The following ATRX variants were observed in gnomAD, a reference collection of about 807,000 sequenced individuals.
ATRX encodes the protein ATRX chromatin remodeler.
ATRX carries 12 observed loss-of-function variants against 172.6 expected under a neutral mutation model. That is an observed-to-expected ratio of 0.07 (90% CI 0.04 to 0.11). ATRX has a LOEUF of 0.11. Among genes scored for constraint, ATRX ranks in the 10% least tolerant of loss-of-function variants. ATRX has a pLI of 1.00. For missense variants in ATRX, 1,368 were observed against 1,767.4 expected, an observed-to-expected ratio of 0.77 and a Z score of 4.05; for synonymous variants, 674 against 594.7, an observed-to-expected ratio of 1.13 and a Z score of -1.94.
At chrX:77,746,014 G>A (rs1388107998) in intron 1 of ATRX, among the ~76,000 whole-genome samples, 1 of 111,639 alleles carries the variant, frequency 9.0e-6, no homozygotes, top group African/African-American at 3.3e-5. Flanking sequence ...ACAAGTTGGT[G>A]AGGTTGCAGA....
chrX:77,574,684 G>C (rs1395125441), intron 27 of ATRX, among the ~76,000 whole-genome samples: 2 of 111,424 alleles, frequency 1.8e-5, no homozygotes, highest in Non-Finnish European at 1.9e-5. Flanking sequence ...CGCTCATGAG[G>C]CATGTTTTAA....
At chrX:77,634,232 T>TAAAAAAAAAAAA in intron 17 of ATRX, among the ~76,000 whole-genome samples, 1 of 54,066 alleles carries the variant, frequency 1.8e-5, no homozygotes, top group Non-Finnish European at 3.2e-5. Context: ...TTAAAAGTTG[T>TAAAAAAAAAAAA]AAAAAAAAAA....
chrX:77,525,143 T>C (rs1344598347), intron 30 of ATRX, among the ~76,000 whole-genome samples: 5 of 112,425 alleles, frequency 4.4e-5, no homozygotes, highest in African/African-American at 1.6e-4. Context: ...ACATGGATGC[T>C]AACAGGCTTA....
chrX:77,674,528 T>C (rs1165746995), intron 10 of ATRX: 3 of 111,250 alleles, frequency 2.7e-5, no homozygotes, highest in Non-Finnish European at 5.7e-5. Context: ...TACAGAGAGA[T>C]ACGATCAGGT....
chrX:77,622,955 C>T lies in ATRX; in HGVS notation c.5135-2423G>A, dbSNP rs190960081. On this transcript the variant is annotated intron_variant, in intron 19 of 34. Transcript: ENST00000373344. Reference sequence around the variant, plus strand: ...GCCCTGAACGCCTACATCAAAAAGTCCGAAAGAGCACAAACAGACAATCTA... The same window carrying T: ...GCCCTGAACGCCTACATCAAAAAGTTCGAAAGAGCACAAACAGACAATCTA... Among the ~76,000 whole-genome samples, 14 of 110,033 alleles carry T rather than the reference C, an allele frequency of 1.3e-4. No homozygotes were observed. In the East Asian group the frequency reaches 4.0e-3, roughly 32 times the overall value.
At chrX:77,665,307 C>T (rs977592817) in intron 10 of ATRX, among the ~76,000 whole-genome samples, 7 of 112,350 alleles carry the variant, frequency 6.2e-5, no homozygotes, top group Admixed American at 9.5e-5. Flanking sequence ...TTTCAATGTA[C>T]TACATAAATG....
intron 30 of ATRX, among the ~76,000 whole-genome samples, chrX:77,537,484 T>C: frequency 9.0e-6 from 1 of 111,057 alleles, no homozygotes; most frequent in Non-Finnish European, 1.9e-5. Flanking sequence ...CTTTCTATTA[T>C]TTCTAACACC....
intron 20 of ATRX, 28 bp from the exon 21 acceptor site, chrX:77,619,009 A>G (rs2067472823): frequency 9.5e-7 from 1 of 1,051,726 alleles, no homozygotes; most frequent in Middle Eastern, 2.7e-4. Flanking sequence ...ATTCATTAAC[A>G]ACATTAACAA....
intron 10 of ATRX, 79 bp from the exon 11 acceptor site, chrX:77,664,857 C>A (rs1419782436): frequency 3.2e-6 from 3 of 925,294 alleles, no homozygotes; most frequent in Non-Finnish European, 4.4e-6. Context: ...AAACAGACTT[C>A]TTTGAATCAA....
At chrX:77,656,453 T>C (rs2069557942) in intron 13 of ATRX, 107 bp downstream of exon 13, 2 of 574,286 alleles carry the variant, frequency 3.5e-6, no homozygotes, top group South Asian at 5.1e-5. Flanking sequence ...CAAAATATTA[T>C]ATATCACACT....
intron 1 of ATRX, among the ~76,000 whole-genome samples, chrX:77,772,467 C>CAA (rs782408268): frequency 3.0e-4 from 12 of 39,763 alleles, no homozygotes; most frequent in Admixed American, 9.0e-4. Context: ...TCCCTTCTCT[C>CAA]AAAAAAAAAA....
chrX:77,733,453 A>G (rs2074385860), intron 1 of ATRX, among the ~76,000 whole-genome samples: 1 of 111,251 alleles, frequency 9.0e-6, no homozygotes, highest in Non-Finnish European at 1.9e-5. Context: ...ATAAAAGCAG[A>G]CACATAAACC....
chrX:77,749,792 C>A (rs782012668), intron 1 of ATRX, among the ~76,000 whole-genome samples: 1 of 111,216 alleles, frequency 9.0e-6, no homozygotes, highest in Non-Finnish European at 1.9e-5. Context: ...ATCTTGCACT[C>A]TCCTGCTCTG....
chrX:77,551,445 T>G (rs2064510598), intron 30 of ATRX, among the ~76,000 whole-genome samples: 1 of 112,055 alleles, frequency 8.9e-6, no homozygotes, highest in African/African-American at 3.2e-5. Flanking sequence ...ATCCCTTCCT[T>G]ACGCCTTATA....
chrX:77,649,936 A>G (rs1385182401), intron 15 of ATRX, among the ~76,000 whole-genome samples: 1 of 112,188 alleles, frequency 8.9e-6, no homozygotes, highest in Non-Finnish European at 1.9e-5. Flanking sequence ...ATTTTTTAAA[A>G]TATGTACTAG....
At chrX:77,528,098 C>G (rs1258622680) in intron 30 of ATRX, among the ~76,000 whole-genome samples, 1 of 110,227 alleles carries the variant, frequency 9.1e-6, no homozygotes, top group African/African-American at 3.3e-5. Flanking sequence ...GTTGTTCCAG[C>G]CTCCCCGTTG....
rs2062685231 is a variant in ATRX at position 77,505,165 on chromosome X, GTC to G, written c.*3184_*3185del. 5.8e-6 allele frequency: 1 copy of G among 171,573 alleles called. No homozygotes were observed. Among genetic ancestry groups the G allele is most frequent in the African/African-American group, 3.0e-5 (1 of 33,663 alleles). 14.1% of individuals were successfully genotyped at this position (171,573 alleles called of 1,213,427 possible). A position where few individuals can be genotyped will look rare whatever the true frequency, so the allele number is the denominator to read the frequency against. ...TTGACCTGTTTTACTGGTAGAATAAGTCTCTATAGCCTCACAACATGCTACTC... is the reference window on the plus strand; with the variant it reads ...TTGACCTGTTTTACTGGTAGAATAAGTCTATAGCCTCACAACATGCTACTC... On this transcript the variant is annotated 3_prime_UTR_variant, in exon 35 of 35. Coordinates refer to ENST00000373344, the MANE Select transcript of ATRX (RefSeq NM_000489.6).
At chrX:77,771,863 G>A (rs1271358718) in intron 1 of ATRX, among the ~76,000 whole-genome samples, 1 of 111,536 alleles carries the variant, frequency 9.0e-6, no homozygotes, top group Admixed American at 9.6e-5. Context: ...GGTGTTACTG[G>A]TATCTAGTGG....
At chrX:77,704,709 A>G (rs2072719259) in intron 2 of ATRX, among the ~76,000 whole-genome samples, 1 of 112,501 alleles carries the variant, frequency 8.9e-6, no homozygotes, top group South Asian at 3.7e-4. Flanking sequence ...CAGTTCCCCA[A>G]GCATGTGGAT....
Sources: allele counts gnomAD v4.1 joint callset (sites outside exome capture counted in the v4.1 genomes callset), GRCh38; gene constraint gnomAD v4.1.1; transcripts MANE v1.5; gene names NCBI Gene and HGNC (gene_info 2026-07-23, HGNC 2026-07-21).